Variants in SNRPN observed in about 807,000 individuals in gnomAD.
SNRPN encodes the protein small nuclear ribonucleoprotein polypeptide N.
Under a neutral mutation model 25.2 loss-of-function variants are expected in SNRPN, and 7 were observed. The ratio of observed to expected loss-of-function variants is 0.28; its 90% CI spans 0.16 to 0.52. The LOEUF (loss-of-function observed/expected upper bound fraction) is 0.52. Among genes scored for constraint, SNRPN ranks in the 20% least tolerant of loss-of-function variants. The pLI, the probability that SNRPN is intolerant of heterozygous loss-of-function variation, is 0.96. For missense variants in SNRPN, 196 were observed against 322.5 expected (o/e 0.61, Z 3.00); for synonymous variants, 124 against 110.6 (o/e 1.12, Z -0.76).
At position 24,955,007 on chromosome 15, in the gene SNRPN, G is replaced by C. The variant is rs1232431999; in HGVS notation, c.-446G>C. ...CTGGCGCAGAGTGGAGCGGCCGCCG[G>C]AGATGCCTGACGCATCTGTCTGAGG... On this transcript the variant is annotated 5_prime_UTR_variant, in exon 1 of 10. Coordinates refer to ENST00000390687, the MANE Select transcript of SNRPN (RefSeq NM_003097.6). 1 of 1,611,774 alleles carries C rather than the reference G, an allele frequency of 6.2e-7. No homozygotes were observed. The highest frequency in any genetic ancestry group is 8.5e-7 in the Non-Finnish European group (1 of 1,179,740).
chr15:24,867,869 AT>A lies in SNRPN; in HGVS notation c.-579+11156del, dbSNP rs142079424. ...TTCTTTGTTCCTCCTCCTGTCTTCC[AT>A]TTGTTTGCTTCCCTTTATGGTTTTA... On this transcript the variant is annotated intron_variant, in intron 1 of 11. Transcript: ENST00000400097. Among the ~76,000 whole-genome samples, 1,289 of 151,950 alleles carry A rather than the reference AT, an allele frequency of 8.5e-3. 19 individuals are homozygous for A. Among genetic ancestry groups the A allele is most frequent in the African/African-American group, 0.029 (1,213 of 41,450 alleles).
intron 1 of SNRPN, among the ~76,000 whole-genome samples, chr15:24,882,642 T>C (rs12592020): frequency 0.14 from 21,200 of 150,978 alleles, 1,745 homozygotes; most frequent in East Asian, 0.24. Flanking sequence ...CTGACCAACA[T>C]GGTTAAATCC....
chr15:24,894,288 G>C (rs540268953), intron 2 of SNRPN, among the ~76,000 whole-genome samples: 1 of 151,444 alleles, frequency 6.6e-6, no homozygotes, highest in South Asian at 2.1e-4. Context: ...GTGTGATCTC[G>C]GCTCACTGCA....
rs963723463 is a variant in SNRPN at position 24,865,554 on chromosome 15, G to A, written c.-579+8838G>A. ...TGTTGGAACAGAGGCTGGAGTTAGCGTCTGGCGGTGGATGAGCTGCAAATT... is the reference window on the plus strand; with the variant it reads ...TGTTGGAACAGAGGCTGGAGTTAGCATCTGGCGGTGGATGAGCTGCAAATT... On this transcript the variant is annotated intron_variant, in intron 1 of 11. Coordinates refer to the SNRPN transcript ENST00000400097. Among the ~76,000 whole-genome samples the A allele has an allele frequency of 5.3e-5, 8 of 152,280 alleles. No homozygotes were observed. In the South Asian group the frequency reaches 6.2e-4, roughly 12 times the overall value.
rs563305315 is a variant in SNRPN, at chr15:24,826,401, C to T, written c.-687+2551C>T. On this transcript the variant is annotated intron_variant, in intron 1 of 12. Coordinates refer to the SNRPN transcript ENST00000400100. ...GGAAATAGTGGGCTTGCATGGCTGC[C>T]TCACATTCCTCAGGTATCACTGTGC... Among the ~76,000 whole-genome samples the T allele has an allele frequency of 1.5e-3, 234 of 152,236 alleles. 2 individuals are homozygous for T. The highest frequency in any genetic ancestry group is 3.0e-3 in the Non-Finnish European group (201 of 68,024).
At chr15:24,970,874 G>C (rs1009892778) in intron 3 of SNRPN, among the ~76,000 whole-genome samples, 15 of 151,938 alleles carry the variant, frequency 9.9e-5, no homozygotes, top group Admixed American at 7.2e-4. Flanking sequence ...TTTTTAATTG[G>C]AATTATTGTG....
rs1176249833 is a variant in SNRPN, at chr15:24,963,991, C to T, written c.-295+1782C>T. On this transcript the variant is annotated intron_variant, in intron 2 of 9. Coordinates refer to ENST00000390687, the MANE Select transcript of SNRPN (RefSeq NM_003097.6). ...AGGCTGCAGTGAGCCATGTTTGTGC[C>T]ACTGTACTCCAGTCTAGGTGACAGA... Among the ~76,000 whole-genome samples the T allele has an allele frequency of 3.9e-5, 6 of 152,058 alleles. No homozygotes were observed. In the East Asian group the frequency reaches 1.2e-3, roughly 29 times the overall value.
rs1566911233 is a variant in SNRPN, at chr15:24,919,081, G to GCGCATATATATATTATATATATA, written c.-504-930_-504-929insCGCATATATATATTATATATATA. Among the ~76,000 whole-genome samples the GCGCATATATATATTATATATATA allele has an allele frequency of 1.9e-4, 20 of 105,416 alleles. 1 individual carries two copies. The highest frequency in any genetic ancestry group is 2.8e-4 in the Non-Finnish European group (14 of 50,202). The allele number at this position is 105,416 out of a possible 152,430, so 69.2% of individuals were successfully genotyped here. Reference sequence around the variant, plus strand: ...CATATATATATAACATAATATATATGTGCGCATATATATATAACATAGCCG... The same window carrying GCGCATATATATATTATATATATA: ...CATATATATATAACATAATATATATGCGCATATATATATTATATATATATGCGCATATATATATAACATAGCCG... On this transcript the variant is annotated intron_variant, in intron 2 of 11. Transcript: ENST00000400097.
chr15:24,897,954 C>T (rs2058182203), intron 2 of SNRPN, among the ~76,000 whole-genome samples: 1 of 152,062 alleles, frequency 6.6e-6, no homozygotes, highest in African/African-American at 2.4e-5. Context: ...TGTATTAATA[C>T]ATGAATAAAA....
At chr15:24,972,459 T>TTA (rs1219391049) in intron 3 of SNRPN, among the ~76,000 whole-genome samples, 1 of 152,036 alleles carries the variant, frequency 6.6e-6, no homozygotes, top group Non-Finnish European at 1.5e-5. Flanking sequence ...TTTGAGATCT[T>TTA]TATAGGTTTT....
chr15:24,904,181 G>T (rs1595810384), intron 2 of SNRPN, among the ~76,000 whole-genome samples: 1 of 152,136 alleles, frequency 6.6e-6, no homozygotes, highest in East Asian at 1.9e-4. Context: ...GTGTGTGAGG[G>T]AACACAATTC....
intron 3 of SNRPN, among the ~76,000 whole-genome samples, chr15:24,920,743 C>T (rs971821911): frequency 1.3e-5 from 2 of 152,136 alleles, no homozygotes; most frequent in African/African-American, 4.8e-5. Context: ...CAATCCCAGA[C>T]CTATGGATTC....
intron 1 of SNRPN, among the ~76,000 whole-genome samples, chr15:24,960,231 T>C (rs2074546394): frequency 1.3e-5 from 2 of 152,226 alleles, no homozygotes; most frequent in East Asian, 3.8e-4. Context: ...ACTTTCATGA[T>C]TAACATTTTT....
At chr15:24,823,829 A>T (rs1328165166) in exon 1 of SNRPN, 5 of 152,132 alleles carry the variant, frequency 3.3e-5, no homozygotes, top group Non-Finnish European at 7.3e-5. Context: ...TCCTGGTAAC[A>T]TTTCATATTG....
Position 24,917,317 on chromosome 15 carries a change from T to C in SNRPN, c.-504-2694T>C, listed in dbSNP as rs575417853. 3.3e-5 allele frequency among the ~76,000 whole-genome samples: 5 copies of C among 152,332 alleles called. No individual in the cohort carries two copies. The South Asian group carries it at 1.0e-3, about 32-fold the overall frequency. Reference sequence around the variant, plus strand: ...TTTTTTTCTCCATCAACGATTTAGTTCCTTCTGGATCAAATACTTTTTAAA... The same window carrying C: ...TTTTTTTCTCCATCAACGATTTAGTCCCTTCTGGATCAAATACTTTTTAAA... On this transcript the variant is annotated intron_variant, in intron 2 of 11. Transcript: ENST00000400097.
In SNRPN at chr15:24,894,217, CT is replaced by C. The variant is rs34191566; in HGVS notation, c.-505+7642del. ...ATCAAGTGGAAAACCAAGCCAAATT[CT>C]TTTTTTTTTTTTTCCTTTGAGACGG... On this transcript the variant is annotated intron_variant, in intron 2 of 11. Transcript: ENST00000400097. 2.6e-3 allele frequency among the ~76,000 whole-genome samples: 370 copies of C among 144,732 alleles called. 1 individual carries two copies. The highest frequency in any genetic ancestry group is 3.5e-3 in the Middle Eastern group (1 of 288). 94.9% of individuals were successfully genotyped at this position (144,732 alleles called of 152,430 possible).
In SNRPN at chr15:24,922,890, C is replaced by CTTTTTTTTTTTTT; in HGVS notation, c.-391+2780_-391+2792dup. On this transcript the variant is annotated intron_variant, in intron 3 of 11. Coordinates refer to the SNRPN transcript ENST00000400097. ...ATATCTATGCCACAGTAGGCAGATC[C>CTTTTTTTTTTTTT]TTTTTTTTTTTTTTTTTTTTTTTTT... Among the ~76,000 whole-genome samples the CTTTTTTTTTTTTT allele has an allele frequency of 2.6e-4, 18 of 68,180 alleles. 6 individuals are homozygous for CTTTTTTTTTTTTT. The highest frequency in any genetic ancestry group is 5.4e-4 in the Admixed American group (2 of 3,696). 44.7% of individuals were successfully genotyped at this position (68,180 alleles called of 152,430 possible). A position where few individuals can be genotyped will look rare whatever the true frequency, so the allele number is the denominator to read the frequency against.
intron 2 of SNRPN, among the ~76,000 whole-genome samples, chr15:24,831,710 A>C (rs2050539627): frequency 1.3e-5 from 2 of 151,892 alleles, no homozygotes; most frequent in African/African-American, 4.8e-5. Flanking sequence ...CCGCTTACAC[A>C]TGGGTTCATG....
chr15:24,870,367 CAT>C (rs1357429131), intron 1 of SNRPN, among the ~76,000 whole-genome samples: 2 of 152,190 alleles, frequency 1.3e-5, no homozygotes, highest in Non-Finnish European at 2.9e-5. Context: ...CACATATACA[CAT>C]ATGTGTAAAT....
Sources: allele counts gnomAD v4.1 joint callset (sites outside exome capture counted in the v4.1 genomes callset), GRCh38; gene constraint gnomAD v4.1.1; transcripts MANE v1.5; gene names NCBI Gene and HGNC (gene_info 2026-07-23, HGNC 2026-07-21).